Variants in RAI14 observed in about 807,000 individuals in gnomAD.
RAI14 encodes the protein retinoic acid induced 14.
RAI14 carries 45 observed loss-of-function variants against 115.4 expected under a neutral mutation model. The ratio of observed to expected loss-of-function variants is 0.39; its 90% CI spans 0.31 to 0.50. The LOEUF (loss-of-function observed/expected upper bound fraction) is 0.50. RAI14 is among the 20% of genes least tolerant of loss of function. RAI14 has a pLI of 0.85. For missense variants in RAI14, 939 were observed against 1,131.2 expected, an observed-to-expected ratio of 0.83 and a Z score of 2.44; for synonymous variants, 371 against 415.4, an observed-to-expected ratio of 0.89 and a Z score of 1.30.
chr5:34,692,225 T>C (rs1452376996), intron 2 of RAI14, among the ~76,000 whole-genome samples: 1 of 152,064 alleles, frequency 6.6e-6, no homozygotes, highest in African/African-American at 2.4e-5. Flanking sequence ...ATCACACCAC[T>C]TCACTTCAGC....
rs923603217 is a variant in RAI14, at chr5:34,687,685, G to A, written c.36+730G>A. The stretch of plus-strand genomic sequence containing the variant: ...GATACTTTGAGCAGAGTTGTGGAGT[G>A]GGAGAAATTAATGGAAGGGAATTAG... On this transcript the variant is annotated intron_variant, in intron 2 of 17. Transcript: ENST00000265109. 2.6e-6 allele frequency: 4 copies of A among 1,551,472 alleles called. No homozygotes were observed. In the African/African-American group the frequency reaches 5.5e-5, roughly 21 times the overall value.
At chr5:34,787,804 T>C (rs934507989) in intron 3 of RAI14, among the ~76,000 whole-genome samples, 5 of 151,800 alleles carry the variant, frequency 3.3e-5, no homozygotes, top group African/African-American at 1.2e-4. Context: ...TTTTGGTCTT[T>C]GTTTAATTTG....
At chr5:34,757,181 T>G (rs1021032622) in intron 2 of RAI14, 1 of 466,004 alleles carries the variant, frequency 2.1e-6, no homozygotes, top group African/African-American at 2.0e-5. Context: ...CCTTGAGGTC[T>G]TTTTACGTTG....
chr5:34,813,483 G>A (rs1580344536), intron 10 of RAI14, 91 bp from the exon 11 acceptor site: 2 of 737,260 alleles, frequency 2.7e-6, no homozygotes, highest in Middle Eastern at 2.4e-4. Context: ...GAACTTTTGA[G>A]GTTTTTCTCA....
At chr5:34,736,349 G>C (rs990868879) in intron 2 of RAI14, among the ~76,000 whole-genome samples, 2 of 152,144 alleles carry the variant, frequency 1.3e-5, no homozygotes, top group African/African-American at 4.8e-5. Flanking sequence ...GCAGTGAGCC[G>C]AGATCGCTCC....
chr5:34,780,949 A>C (rs148314443), intron 3 of RAI14, among the ~76,000 whole-genome samples: 33,466 of 152,100 alleles, frequency 0.22, 5,010 homozygotes, highest in Non-Finnish European at 0.31. Flanking sequence ...TATTCACAAT[A>C]GCAAAGACTT....
At chr5:34,685,881 G>C (rs988972591) in intron 1 of RAI14, 3 of 152,190 alleles carry the variant, frequency 2.0e-5, no homozygotes, top group African/African-American at 7.2e-5. Context: ...CATGTTAAAT[G>C]AAGTGATTGC....
In RAI14 at chr5:34,757,664, TA is replaced by T. The variant is rs1471277260; in HGVS notation, c.167+67del. 3.7e-5 allele frequency: 57 copies of T among 1,521,796 alleles called. No homozygotes were observed. The East Asian group carries it at 4.4e-4, about 12-fold the overall frequency. 94.3% of individuals were successfully genotyped at this position (1,521,796 alleles called of 1,614,324 possible). A position where few individuals can be genotyped will look rare whatever the true frequency, so the allele number is the denominator to read the frequency against. On this transcript the variant is annotated intron_variant, in intron 3 of 17. Coordinates refer to ENST00000265109, the MANE Select transcript of RAI14 (RefSeq NM_015577.3). Reference sequence around the variant, plus strand: ...TTTTTGGGGTGTTCTCTGGAATCCTTAGTATCCATAGGGGAATTTCACACGT... The same window carrying T: ...TTTTTGGGGTGTTCTCTGGAATCCTTGTATCCATAGGGGAATTTCACACGT...
chr5:34,770,422 G>T (rs1750002733), intron 3 of RAI14, among the ~76,000 whole-genome samples: 2 of 152,208 alleles, frequency 1.3e-5, no homozygotes, highest in Non-Finnish European at 2.9e-5. Flanking sequence ...TTAATTCTGT[G>T]TGCTAGGAAA....
Position 34,826,599 on chromosome 5 carries a change from T to G in RAI14, c.2799+120T>G, listed in dbSNP as rs1050870187. 3.9e-6 allele frequency: 5 copies of G among 1,294,730 alleles called. 1 individual carries two copies. The highest frequency in any genetic ancestry group is 5.2e-6 in the Non-Finnish European group (5 of 967,010). The allele number at this position is 1,294,730 out of a possible 1,614,324, so 80.2% of individuals were successfully genotyped here. On this transcript the variant is annotated intron_variant, in intron 16 of 17. Transcript: ENST00000265109. Reference sequence around the variant, plus strand: ...AGATTCCCAGCCCAAAGGAATGTACTTCAATGAGCAGTTGACTGATTTCTT... The same window carrying G: ...AGATTCCCAGCCCAAAGGAATGTACGTCAATGAGCAGTTGACTGATTTCTT...
chr5:34,706,515 A>T (rs1440581945), intron 2 of RAI14, among the ~76,000 whole-genome samples: 1 of 152,206 alleles, frequency 6.6e-6, no homozygotes, highest in African/African-American at 2.4e-5. Flanking sequence ...GCTGATACTT[A>T]GACATTCATG....
At chr5:34,664,343 G>A (rs1461464844) in intron 1 of RAI14, among the ~76,000 whole-genome samples, 2 of 146,588 alleles carry the variant, frequency 1.4e-5, no homozygotes, top group Admixed American at 6.9e-5. Context: ...AAAAAAAAAA[G>A]TATATTTATA....
intron 1 of RAI14, among the ~76,000 whole-genome samples, chr5:34,675,619 TG>T (rs1042092254): frequency 3.9e-5 from 6 of 152,174 alleles, no homozygotes; most frequent in South Asian, 4.2e-4. Context: ...GGTGTGGTGA[TG>T]CACACCTGTA....
At chr5:34,693,299 C>T (rs1349238255) in intron 2 of RAI14, among the ~76,000 whole-genome samples, 3 of 152,276 alleles carry the variant, frequency 2.0e-5, no homozygotes, top group Admixed American at 6.5e-5. Context: ...GCCCTGGCAT[C>T]CCCCCACTGA....
At chr5:34,819,034 C>T (rs1756564751) in intron 13 of RAI14, among the ~76,000 whole-genome samples, 183 bp downstream of exon 13, 1 of 152,204 alleles carries the variant, frequency 6.6e-6, no homozygotes, top group African/African-American at 2.4e-5. Context: ...TCTTCACCTG[C>T]ATTTTAAAGA....
At chr5:34,786,526 C>T (rs574500226) in intron 3 of RAI14, among the ~76,000 whole-genome samples, 23 of 152,326 alleles carry the variant, frequency 1.5e-4, no homozygotes, top group African/African-American at 4.8e-4. Flanking sequence ...TCATTATACT[C>T]TCCTCCTTCC....
chr5:34,756,903 G>A, intron 2 of RAI14, among the ~76,000 whole-genome samples: 1 of 152,218 alleles, frequency 6.6e-6, no homozygotes, highest in East Asian at 1.9e-4. Flanking sequence ...AAGAAGTTTT[G>A]TTTCTGGTGA....
intron 5 of RAI14, among the ~76,000 whole-genome samples, chr5:34,807,068 T>G (rs183533490): frequency 3.1e-4 from 47 of 152,326 alleles, no homozygotes; most frequent in East Asian, 2.1e-3. Flanking sequence ...TACATAGCAC[T>G]TATTGTTGTC....
At chr5:34,826,069 C>T in intron 15 of RAI14, 1 of 233,708 alleles carries the variant, frequency 4.3e-6, no homozygotes, top group Non-Finnish European at 8.2e-6. Context: ...GCTTTTGTTA[C>T]CGCCATCACC....
Sources: gnomAD v4.1 joint callset for allele counts (sites outside exome capture counted in the v4.1 genomes callset) on GRCh38, gnomAD v4.1.1 for gene constraint, MANE v1.5 for transcripts, NCBI Gene and HGNC (gene_info 2026-07-23, HGNC 2026-07-21) for gene names.